The following RYR3 variants were observed in gnomAD, a reference collection of about 807,000 sequenced individuals.
RYR3 encodes ryanodine receptor 3, also known as brain ryanodine receptor-calcium release channel.
In RYR3, 207 loss-of-function variants were observed where a neutral mutation model predicts 584.3. That is an observed-to-expected ratio of 0.35 (90% confidence interval 0.32 to 0.40). The LOEUF is 0.40. RYR3 is among the 10% of genes least tolerant of loss of function. The pLI, the probability that RYR3 is intolerant of heterozygous loss-of-function variation, is 1.00. For synonymous variants in RYR3, 2,416 were observed against 2,248.5 expected (o/e 1.07, Z -2.11); for missense variants, 5,616 against 6,089.2 (o/e 0.92, Z 2.59).
intron 3 of RYR3, among the ~76,000 whole-genome samples, chr15:33,514,348 G>A (rs1345741310): frequency 2.6e-5 from 4 of 152,146 alleles, no homozygotes; most frequent in African/African-American, 9.7e-5. Flanking sequence ...TTGAAAAGAT[G>A]GAGGGTGGTA....
At chr15:33,777,074 A>T (rs1392614485) in intron 64 of RYR3, among the ~76,000 whole-genome samples, 1 of 152,242 alleles carries the variant, frequency 6.6e-6, no homozygotes, top group Non-Finnish European at 1.5e-5. Flanking sequence ...CATAGTCCTA[A>T]CTATTCAAGA....
At chr15:33,736,117 T>G in intron 48 of RYR3, 118 bp from the exon 49 acceptor site, 1 of 628,304 alleles carries the variant, frequency 1.6e-6, no homozygotes, top group Non-Finnish European at 2.8e-6. Context: ...AGATCTTGTG[T>G]ATTAGGAGCT....
At chr15:33,827,132 T>C (rs1349215861) in intron 84 of RYR3, 67 bp from the exon 85 acceptor site, 3 of 1,276,488 alleles carry the variant, frequency 2.4e-6, no homozygotes, top group Non-Finnish European at 3.3e-6. Flanking sequence ...TGAGCTCAGC[T>C]GAGAGGGCAT....
chr15:33,789,110 A>G lies in RYR3; in HGVS notation c.9830+652A>G, dbSNP rs908776709. Among the ~76,000 whole-genome samples, 3 of 152,066 alleles carry G rather than the reference A, an allele frequency of 2.0e-5. No individual in the cohort carries two copies. The East Asian group carries it at 5.8e-4, about 29-fold the overall frequency. On this transcript the variant is annotated intron_variant, in intron 67 of 103. Transcript: ENST00000634891. ...ACGTCTGGTGCAGGCACCAAGAAAA[A>G]AGTGCGTTTGGGATGTTCAAGGGAC...
chr15:33,727,306 G>A (rs549752511), intron 46 of RYR3, among the ~76,000 whole-genome samples: 2 of 152,290 alleles, frequency 1.3e-5, no homozygotes, highest in South Asian at 4.2e-4. Context: ...CATTATCCAG[G>A]CTAATGGAAG....
Position 33,746,175 on chromosome 15 carries a change from G to C in RYR3, c.7989+18G>C, listed in dbSNP as rs1304437453. On this transcript the variant is annotated intron_variant, in intron 53 of 103. Coordinates refer to ENST00000634891, the MANE Select transcript of RYR3 (RefSeq NM_001036.6). ...CGGAGAAGGTAAGAAGCAGGCCTCT[G>C]GTAACACTGTGTGACCATGCTGTTT... 1.3e-6 allele frequency: 2 copies of C among 1,525,230 alleles called. No individual in the cohort carries two copies. The highest frequency in any genetic ancestry group is 1.8e-6 in the Non-Finnish European group (2 of 1,113,922). 94.5% of individuals were successfully genotyped at this position (1,525,230 alleles called of 1,614,324 possible).
At chr15:33,792,088 T>C (rs577878319) in intron 67 of RYR3, among the ~76,000 whole-genome samples, 1 of 152,198 alleles carries the variant, frequency 6.6e-6, no homozygotes, top group African/African-American at 2.4e-5. Context: ...TAAACACATA[T>C]ATTGAAGTCA....
At chr15:33,622,162 C>T (rs192857000) in intron 19 of RYR3, among the ~76,000 whole-genome samples, 9 of 152,298 alleles carry the variant, frequency 5.9e-5, no homozygotes, top group East Asian at 5.8e-4. Context: ...TATTTCCTTA[C>T]GTTAAAACCC....
chr15:33,520,282 A>T (rs1437389726), intron 3 of RYR3, among the ~76,000 whole-genome samples: 1 of 152,204 alleles, frequency 6.6e-6, no homozygotes, highest in Non-Finnish European at 1.5e-5. Context: ...GAAACAGTAG[A>T]TTAGAAACAG....
intron 43 of RYR3, among the ~76,000 whole-genome samples, chr15:33,709,021 A>C (rs1437907275): frequency 6.6e-6 from 1 of 152,220 alleles, no homozygotes; most frequent in African/African-American, 2.4e-5. Context: ...GTCAGGGTGG[A>C]GCAGGTAATC....
intron 11 of RYR3, among the ~76,000 whole-genome samples, chr15:33,564,453 A>AGCTACACCCTGGGAATGAGG (rs2057588440): frequency 6.6e-6 from 1 of 152,144 alleles, no homozygotes; most frequent in Non-Finnish European, 1.5e-5. Flanking sequence ...TCTTTAGAAG[A>AGCTACACCCTGGGAATGAGG]GCTACACCCT....
intron 3 of RYR3, among the ~76,000 whole-genome samples, chr15:33,511,058 A>C (rs989967946): frequency 6.6e-6 from 1 of 152,094 alleles, no homozygotes; most frequent in Non-Finnish European, 1.5e-5. Context: ...TGATTGATAT[A>C]ATTGATTGCA....
chr15:33,436,007 G>A (rs114403967), intron 1 of RYR3, among the ~76,000 whole-genome samples: 3,447 of 152,202 alleles, frequency 0.023, 117 homozygotes, highest in African/African-American at 0.072. Context: ...ATTTTACAGA[G>A]TTCTGATTGG....
intron 1 of RYR3, among the ~76,000 whole-genome samples, chr15:33,322,520 G>C (rs946971271): frequency 3.9e-5 from 6 of 152,146 alleles, no homozygotes; most frequent in African/African-American, 7.2e-5. Flanking sequence ...AATTCAACAA[G>C]AGATTTGGTG....
At chr15:33,555,560 C>A (rs1006824181) in intron 10 of RYR3, among the ~76,000 whole-genome samples, 1 of 152,088 alleles carries the variant, frequency 6.6e-6, no homozygotes, top group East Asian at 1.9e-4. Context: ...GTGGAAGAAG[C>A]CTGGGTTTGA....
At chr15:33,464,473 T>TAC (rs2048297938) in intron 1 of RYR3, among the ~76,000 whole-genome samples, 1 of 78,458 alleles carries the variant, frequency 1.3e-5, no homozygotes, top group Admixed American at 1.2e-4. Context: ...GATATATATA[T>TAC]ATATATATAT....
At chr15:33,826,792 T>TAA in intron 84 of RYR3, 40 bp downstream of exon 84, 1 of 1,058,060 alleles carries the variant, frequency 9.5e-7, no homozygotes. Context: ...AACACAGCAC[T>TAA]CGGGCAAAAC....
chr15:33,750,984 GTTTGGTTTTC>G lies in RYR3; in HGVS notation c.8399+699_8399+708del, dbSNP rs1490945896. On this transcript the variant is annotated intron_variant, in intron 57 of 103. Transcript: ENST00000634891. The stretch of plus-strand genomic sequence containing the variant: ...AGAACATGTTTGCTTTTGGTTTTCT[GTTTGGTTTTC>G]AGTTCTTGTGTTAATTTGCTGAGAA... 8.9e-4 allele frequency among the ~76,000 whole-genome samples: 136 copies of G among 152,158 alleles called. 1 individual carries two copies. The highest frequency in any genetic ancestry group is 1.4e-3 in the Non-Finnish European group (96 of 67,984).
intron 57 of RYR3, 34 bp downstream of exon 57, chr15:33,750,320 G>A (rs762491104): frequency 4.4e-6 from 7 of 1,604,100 alleles, no homozygotes; most frequent in Non-Finnish European, 6.0e-6. Flanking sequence ...TAGTGGGACA[G>A]GGCTGTGCCT....
Sources: gnomAD v4.1 joint callset for allele counts (sites outside exome capture counted in the v4.1 genomes callset) on GRCh38, gnomAD v4.1.1 for gene constraint, MANE v1.5 for transcripts, NCBI Gene and HGNC (gene_info 2026-07-23, HGNC 2026-07-21) for gene names.